The following ITGA8 variants were observed in gnomAD, a reference collection of about 807,000 sequenced individuals.
ITGA8 encodes integrin subunit alpha 8.
ITGA8 carries 91 observed loss-of-function variants against 142.3 expected under a neutral mutation model. That is an observed-to-expected ratio of 0.64 (90% CI 0.54 to 0.76). ITGA8 has a LOEUF of 0.76. Among genes scored for constraint, ITGA8 ranks in the 30% least tolerant of loss-of-function variants. The pLI is 0.00. For synonymous variants in ITGA8, 505 were observed against 485.2 expected (o/e 1.04, Z -0.54); for missense variants, 1,406 against 1,327.7 (o/e 1.06, Z -0.92).
At chr10:15,588,333 A>G (rs1212984242) in intron 22 of ITGA8, among the ~76,000 whole-genome samples, 1 of 152,178 alleles carries the variant, frequency 6.6e-6, no homozygotes, top group Non-Finnish European at 1.5e-5. Flanking sequence ...TGTCAGGCTC[A>G]TTTCCTGGAA....
At chr10:15,710,155 A>G (rs989120253) in intron 2 of ITGA8, among the ~76,000 whole-genome samples, 8 of 152,338 alleles carry the variant, frequency 5.3e-5, no homozygotes, top group South Asian at 2.1e-4. Context: ...CATGAGAAAA[A>G]AACAGTTTTA....
intron 8 of ITGA8, among the ~76,000 whole-genome samples, chr10:15,666,857 A>G (rs1434647787): frequency 6.6e-6 from 1 of 152,182 alleles, no homozygotes; most frequent in Non-Finnish European, 1.5e-5. Flanking sequence ...CTTGCATCCG[A>G]GGGATGAAGC....
intron 21 of ITGA8, 112 bp from the exon 22 acceptor site, chr10:15,592,416 C>T (rs1474894240): frequency 1.3e-6 from 1 of 758,374 alleles, no homozygotes; most frequent in Non-Finnish European, 2.1e-6. Flanking sequence ...TTCCTTTGTT[C>T]TGCTTCTACC....
intron 25 of ITGA8, among the ~76,000 whole-genome samples, chr10:15,566,106 A>G (rs984466975): frequency 1.3e-5 from 2 of 152,164 alleles, no homozygotes; most frequent in African/African-American, 4.8e-5. Flanking sequence ...GGGCCCACTC[A>G]TTCTAAAACA....
chr10:15,671,633 C>T lies in ITGA8; in HGVS notation c.817G>A (p.Ala273Thr), dbSNP rs747478136. The T allele has an allele frequency of 5.6e-6, 9 of 1,612,514 alleles. No homozygotes were observed. Among genetic ancestry groups the T allele is most frequent in the African/African-American group, 5.3e-5 (4 of 74,860 alleles). Reference sequence around the variant, plus strand: ...TGAGAATCCCCAGTAAACTCCCCAGCAGCAACTGAGTATCCTGTTTTAAAG... The same window carrying T: ...TGAGAATCCCCAGTAAACTCCCCAGTAGCAACTGAGTATCCTGTTTTAAAG... ...DDSYLGYSVA[A>T]GEFTGDSQQE... is the part of the protein sequence containing the mutation. The change falls in exon 8 of 30, where the codon GCT becomes ACT. Residue 273 changes from alanine (A) to threonine (T), a missense_variant. Coordinates refer to ENST00000378076, the MANE Select transcript of ITGA8 (RefSeq NM_003638.3).
At chr10:15,565,596 T>TTTTTTTTTTTTTTTTTTTTTTA in intron 25 of ITGA8, among the ~76,000 whole-genome samples, 1 of 125,882 alleles carries the variant, frequency 7.9e-6, no homozygotes, top group Non-Finnish European at 1.7e-5. Flanking sequence ...TTTTTTTTTT[T>TTTTTTTTTTTTTTTTTTTTTTA]TTTTTTTTTT....
chr10:15,531,031 T>C lies in ITGA8; in HGVS notation c.2982+19A>G. 8.9e-7 allele frequency: 1 copy of C among 1,128,992 alleles called. No individual in the cohort carries two copies. Among genetic ancestry groups the C allele is most frequent in the Non-Finnish European group, 1.3e-6 (1 of 765,644 alleles). 69.9% of individuals were successfully genotyped at this position (1,128,992 alleles called of 1,614,324 possible). A position where few individuals can be genotyped will look rare whatever the true frequency, so the allele number is the denominator to read the frequency against. On this transcript the variant is annotated intron_variant, in intron 28 of 29. Coordinates refer to ENST00000378076, the MANE Select transcript of ITGA8 (RefSeq NM_003638.3). ...TTCAATTAAATTATTTGTGCCTATA[T>C]ATATTTAAAGATACTCACTACTATG...
chr10:15,575,966 T>A (rs747069548), intron 23 of ITGA8, among the ~76,000 whole-genome samples: 2 of 148,388 alleles, frequency 1.3e-5, no homozygotes, highest in Admixed American at 6.7e-5. Context: ...TGTGTGTGAG[T>A]GTGTGTGTGT....
intron 4 of ITGA8, among the ~76,000 whole-genome samples, chr10:15,683,183 G>T (rs2131702149): frequency 6.6e-6 from 1 of 152,120 alleles, no homozygotes; most frequent in South Asian, 2.1e-4. Context: ...AAATCCATAG[G>T]TATCTTATCA....
intron 27 of ITGA8, among the ~76,000 whole-genome samples, chr10:15,545,813 A>T (rs1468015174): frequency 6.6e-6 from 1 of 152,082 alleles, no homozygotes; most frequent in Non-Finnish European, 1.5e-5. Flanking sequence ...TTGCTTTGTT[A>T]GAGTATGTAT....
intron 9 of ITGA8, among the ~76,000 whole-genome samples, chr10:15,659,495 C>T (rs185667662): frequency 2.0e-5 from 3 of 152,248 alleles, no homozygotes; most frequent in East Asian, 1.9e-4. Context: ...CTTAGACAAC[C>T]GTGATGCTTT....
chr10:15,571,285 G>A (rs930137412), intron 25 of ITGA8, among the ~76,000 whole-genome samples: 5 of 152,208 alleles, frequency 3.3e-5, no homozygotes, highest in Non-Finnish European at 5.9e-5. Context: ...GACCTGCTCT[G>A]TCTTGGCTGG....
At chr10:15,517,328 ATT>A (rs373105081) in intron 29 of ITGA8, 84 bp from the exon 30 acceptor site, 1,685 of 711,528 alleles carry the variant, frequency 2.4e-3, no homozygotes, top group East Asian at 3.0e-3. Flanking sequence ...CACTTTATGT[ATT>A]TTTTTTTTTT....
rs1417897043 is a variant in ITGA8, at chr10:15,675,326, TCAGTGAG to T, written c.676+2259_676+2265del. On this transcript the variant is annotated intron_variant, in intron 6 of 29. Transcript: ENST00000378076. ...TGGTCCTCTTCCAGTGTTCTGTATC[TCAGTGAG>T]CGGCACCCACCTACAGCCATTCAGT... 3.9e-5 allele frequency among the ~76,000 whole-genome samples: 6 copies of T among 152,298 alleles called. No homozygotes were observed. In the South Asian group the frequency reaches 6.2e-4, roughly 16 times the overall value.
In ITGA8 at chr10:15,678,662, G is replaced by A. The variant is rs908434675; in HGVS notation, c.630+60C>T. 9.6e-6 allele frequency: 11 copies of A among 1,147,828 alleles called. No individual in the cohort carries two copies. The African/African-American group carries it at 1.2e-4, about 13-fold the overall frequency. 71.1% of individuals were successfully genotyped at this position (1,147,828 alleles called of 1,614,324 possible). ...GTGGTTTTGGGGTGTGGGAGTGAGA[G>A]GCAGAGGGTAAAAAAAAATCAGATT... On this transcript the variant is annotated intron_variant, in intron 5 of 29. Coordinates refer to ENST00000378076, the MANE Select transcript of ITGA8 (RefSeq NM_003638.3).
At chr10:15,673,207 C>T (rs1239322164) in intron 6 of ITGA8, among the ~76,000 whole-genome samples, 1 of 152,090 alleles carries the variant, frequency 6.6e-6, no homozygotes, top group Admixed American at 6.6e-5. Flanking sequence ...CTTCAGCCTC[C>T]CAAGTAGCTG....
chr10:15,713,611 G>A (rs781471931), intron 2 of ITGA8, among the ~76,000 whole-genome samples: 2 of 152,084 alleles, frequency 1.3e-5, no homozygotes, highest in African/African-American at 2.4e-5. Context: ...GACTTATGCA[G>A]CCAATATGTT....
intron 8 of ITGA8, among the ~76,000 whole-genome samples, chr10:15,669,690 T>C (rs1286913108): frequency 6.6e-6 from 1 of 152,200 alleles, no homozygotes; most frequent in African/African-American, 2.4e-5. Context: ...GATGGGTTTT[T>C]GGTGTGGATG....
At chr10:15,710,498 G>A (rs1209986615) in intron 2 of ITGA8, among the ~76,000 whole-genome samples, 1 of 152,198 alleles carries the variant, frequency 6.6e-6, no homozygotes, top group East Asian at 1.9e-4. Flanking sequence ...AACTATAGGA[G>A]GAGAGAAGCC....
Sources: allele counts gnomAD v4.1 joint callset (sites outside exome capture counted in the v4.1 genomes callset), GRCh38; gene constraint gnomAD v4.1.1; transcripts MANE v1.5; gene names NCBI Gene and HGNC (gene_info 2026-07-23, HGNC 2026-07-21).